The following RGS4 variants were observed in gnomAD, a reference collection of about 807,000 sequenced individuals.
RGS4 encodes the protein schizophrenia disorder 9.
A neutral mutation model predicts 21.6 loss-of-function variants in RGS4; 15 were observed. The observed-to-expected ratio is 0.69, with a 90% CI of 0.46 to 1.07. The LOEUF (loss-of-function observed/expected upper bound fraction) is 1.07, where lower values mean the gene tolerates loss of function less well. Ranked by LOEUF, RGS4 falls within the 50% of genes least tolerant of loss-of-function variation. The probability of loss-of-function intolerance (pLI) is 0.00; values close to 1 mark genes in which losing one functional copy is unlikely to be tolerated. For synonymous variants in RGS4, 94 were observed against 85.5 expected, an observed-to-expected ratio of 1.10 and a Z score of -0.55; for missense variants, 237 against 239.0, an observed-to-expected ratio of 0.99 and a Z score of 0.06.
upstream of RGS4, chr1:163,069,347 A>AG: frequency 6.4e-7 from 1 of 1,554,530 alleles, no homozygotes; most frequent in East Asian, 2.4e-5. Context: ...AGAGACCCCT[A>AG]CAGGCTTAGC....
upstream of RGS4, chr1:163,069,067 A>G: frequency 6.5e-7 from 1 of 1,539,946 alleles, no homozygotes; most frequent in African/African-American, 1.4e-5. Flanking sequence ...TTACAGGCAT[A>G]TGAATAAAAA....
chr1:163,073,907 C>A, intron 4 of RGS4: 1 of 374,250 alleles, frequency 2.7e-6, no homozygotes. Flanking sequence ...CATTAGCCAA[C>A]CTGACCAAAA....
chr1:163,074,264 G>C (rs957613417), intron 4 of RGS4, 57 bp from the exon 5 acceptor site: 1 of 1,607,572 alleles, frequency 6.2e-7, no homozygotes, highest in Non-Finnish European at 8.5e-7. Context: ...AAAGCATACA[G>C]GCTTGCATCC....
rs536332298 is a variant in RGS4, at chr1:163,073,724, G to T, written c.378+102G>T. 3 of 700,196 alleles carry T rather than the reference G, an allele frequency of 4.3e-6. No individual in the cohort carries two copies. In the South Asian group the frequency reaches 6.6e-5, roughly 15 times the overall value. 43.4% of individuals were successfully genotyped at this position (700,196 alleles called of 1,614,324 possible). On this transcript the variant is annotated intron_variant, in intron 4 of 4. Coordinates refer to ENST00000367909, the MANE Select transcript of RGS4 (RefSeq NM_005613.6). Reference sequence around the variant, plus strand: ...TGATAACAATCAAATCAGGGCAATTGCTATATACATATCTCAAACATTTAT... The same window carrying T: ...TGATAACAATCAAATCAGGGCAATTTCTATATACATATCTCAAACATTTAT...
upstream of RGS4, chr1:163,069,052 T>G (rs1219040679): frequency 1.3e-6 from 2 of 1,549,700 alleles, no homozygotes; most frequent in South Asian, 1.2e-5. Flanking sequence ...CTTGATATTT[T>G]TTTTTTACAG....
In RGS4 at chr1:163,074,135, CAGAAAGGT is replaced by C. The variant is rs1476987541; in HGVS notation, c.379-185_379-178del. On this transcript the variant is annotated intron_variant, in intron 4 of 4. Transcript: ENST00000367909. ...AGATCTTGCCCTGCTCTCTCTAAAG[CAGAAAGGT>C]TCATTCTGAACCTTTCATACTCTCT... is the stretch of plus-strand genomic sequence containing the variant. 8.9e-6 allele frequency: 6 copies of C among 673,600 alleles called. No individual in the cohort carries two copies. The African/African-American group carries it at 1.1e-4, about 12-fold the overall frequency. The allele number at this position is 673,600 out of a possible 1,614,324, so 41.7% of individuals were successfully genotyped here.
rs1473712151 is a variant in RGS4, at chr1:163,073,451, C to T, written c.212-5C>T. The T allele has an allele frequency of 6.4e-7, 1 of 1,567,442 alleles. No homozygotes were observed. Among genetic ancestry groups the T allele is most frequent in the African/African-American group, 1.4e-5 (1 of 72,884 alleles). On this transcript the variant is annotated splice_polypyrimidine_tract_variant and splice_region_variant and intron_variant, in intron 3 of 4. Transcript: ENST00000367909. ...ACAACTGTGGTCCTTTCTCCTGTAT[C>T]ATAGGTGGGCTGGCAGCTTTCAAAG... is the stretch of plus-strand genomic sequence containing the variant.
chr1:163,068,915 TG>T (rs780279015), upstream of RGS4: 32 of 1,529,142 alleles, frequency 2.1e-5, no homozygotes, highest in South Asian at 3.4e-4. Context: ...TTGGAAATCG[TG>T]AGGATCAGAT....
At chr1:163,069,144 A>T, upstream of RGS4, 1 of 1,498,612 alleles carries the variant, frequency 6.7e-7, no homozygotes, top group South Asian at 1.4e-5. Flanking sequence ...ACATTGGTGG[A>T]GACATTGAGT....
rs182944549 is a variant in RGS4, at chr1:163,072,093, T to G, written c.45-302T>G. ...CAGGTTCTGTTGAAGATACCAAAGA[T>G]ATTCGGTTGGTCAAAATGACGGGCA... is the stretch of plus-strand genomic sequence containing the variant. On this transcript the variant is annotated intron_variant, in intron 1 of 4. Transcript: ENST00000367909. 7.4e-6 allele frequency: 8 copies of G among 1,077,488 alleles called. No individual in the cohort carries two copies. In the East Asian group the frequency reaches 5.3e-4, roughly 71 times the overall value. 66.7% of individuals were successfully genotyped at this position (1,077,488 alleles called of 1,614,324 possible). A position where few individuals can be genotyped will look rare whatever the true frequency, so the allele number is the denominator to read the frequency against.
rs111231749 is a variant in RGS4, at chr1:163,072,010, C to T, written c.45-385C>T. 4,610 of 990,952 alleles carry T rather than the reference C, an allele frequency of 4.7e-3. 155 individuals are homozygous for T. The African/African-American group carries it at 0.074, about 16-fold the overall frequency. The allele number at this position is 990,952 out of a possible 1,614,324, so 61.4% of individuals were successfully genotyped here. A position where few individuals can be genotyped will look rare whatever the true frequency, so the allele number is the denominator to read the frequency against. ...TGCAGCAAGGATGTGCATCTTTTGC[C>T]GCTACTGCTTTCTGATTCCTAAAAA... On this transcript the variant is annotated intron_variant, in intron 1 of 4. Coordinates refer to ENST00000367909, the MANE Select transcript of RGS4 (RefSeq NM_005613.6).
In RGS4 at chr1:163,074,485, C is replaced by T. The variant is rs112689842; in HGVS notation, c.543C>T (p.Ser181=). Reference sequence around the variant, plus strand: ...TCTATCTTGATTTGGTCAACCCGTCCAGCTGTGGGGCAGAAAAGCAGAAAG... The same window carrying T: ...TCTATCTTGATTTGGTCAACCCGTCTAGCTGTGGGGCAGAAAAGCAGAAAG... ...SRFYLDLVNP[S]SCGAEKQKGA... is the part of the protein sequence containing the mutation. The change falls in exon 5 of 5, where the codon TCC becomes TCT. Residue 181 remains serine (S), a synonymous_variant. Transcript: ENST00000367909. 1.9e-5 allele frequency: 30 copies of T among 1,613,832 alleles called. No homozygotes were observed. The highest frequency in any genetic ancestry group is 1.6e-4 in the Middle Eastern group (1 of 6,084).
chr1:163,074,015 G>GT, intron 4 of RGS4: 1 of 410,828 alleles, frequency 2.4e-6, no homozygotes, highest in Non-Finnish European at 4.3e-6. Context: ...AAATAAATCA[G>GT]TTTTTTAAAA....
intron 1 of RGS4, chr1:163,072,164 T>G (rs1655339554): frequency 8.9e-7 from 1 of 1,126,640 alleles, no homozygotes; most frequent in Admixed American, 3.9e-5. Flanking sequence ...GGGTCAGAAT[T>G]CCAGTTGTGG....
At chr1:163,072,631 C>T in intron 2 of RGS4, 132 bp downstream of exon 2, 2 of 837,978 alleles carry the variant, frequency 2.4e-6, no homozygotes, top group Non-Finnish European at 3.8e-6. Flanking sequence ...TCATGGAGAT[C>T]ATAACTACAT....
In RGS4 at chr1:163,072,786, TTCTC is replaced by T. The variant is rs753605991; in HGVS notation, c.150-15_150-12del. On this transcript the variant is annotated splice_polypyrimidine_tract_variant and intron_variant, in intron 2 of 4. Coordinates refer to ENST00000367909, the MANE Select transcript of RGS4 (RefSeq NM_005613.6). The stretch of plus-strand genomic sequence containing the variant: ...TACCATGGCATTCCAATTATTCTGT[TTCTC>T]TCTATTTTTTCTAGAGTGAGCCAAG... 9 of 1,606,876 alleles carry T rather than the reference TTCTC, an allele frequency of 5.6e-6. No individual in the cohort carries two copies. Among genetic ancestry groups the T allele is most frequent in the South Asian group, 5.5e-5 (5 of 90,400 alleles).
chr1:163,073,555 C>T lies in RGS4; in HGVS notation c.311C>T (p.Pro104Leu), dbSNP rs1655393935. 3 of 1,611,936 alleles carry T rather than the reference C, an allele frequency of 1.9e-6. No individual in the cohort carries two copies. Among genetic ancestry groups the T allele is most frequent in the Admixed American group, 1.7e-5 (1 of 59,564 alleles). Residue 104 changes from proline (P) to leucine (L), a missense_variant, in exon 4 of 5, where the codon CCA (proline) becomes CTA (leucine). Pro to Leu is a moderately conservative substitution (Grantham distance 98). Transcript: ENST00000367909. Reference sequence around the variant, plus strand: ...GAAGAGTACAAGAAAATCAAATCACCATCTAAACTAAGTCCCAAGGCCAAA... The same window carrying T: ...GAAGAGTACAAGAAAATCAAATCACTATCTAAACTAAGTCCCAAGGCCAAA... ...SCEEYKKIKSPSKLSPKAKKI... is the reference protein window; with the variant it reads ...SCEEYKKIKSLSKLSPKAKKI...
intron 1 of RGS4, chr1:163,072,139 C>T: frequency 8.6e-7 from 1 of 1,158,096 alleles, no homozygotes; most frequent in Non-Finnish European, 1.1e-6. Context: ...TCTCAGGTTT[C>T]TGAGGTAAAC....
chr1:163,069,705 C>T (rs1655242333), intron 1 of RGS4, among the ~76,000 whole-genome samples, 177 bp downstream of exon 1: 1 of 152,108 alleles, frequency 6.6e-6, no homozygotes, highest in Admixed American at 6.6e-5. Flanking sequence ...ACATGTGCTC[C>T]CCAAATTTCA....
Sources: gnomAD v4.1 joint callset for allele counts (sites outside exome capture counted in the v4.1 genomes callset) on GRCh38, gnomAD v4.1.1 for gene constraint, MANE v1.5 for transcripts, NCBI Gene and HGNC (gene_info 2026-07-23, HGNC 2026-07-21) for gene names.